The following PPP2R2B variants were observed in gnomAD, a reference collection of about 807,000 sequenced individuals.
PPP2R2B encodes protein phosphatase 2 regulatory subunit Bbeta.
Under a neutral mutation model 46.0 loss-of-function variants are expected in PPP2R2B, and 5 were observed. That is an observed-to-expected ratio of 0.11 (90% CI 0.06 to 0.23). The LOEUF is 0.23. Among genes scored for constraint, PPP2R2B ranks in the 10% least tolerant of loss-of-function variants. The pLI is 1.00. For missense variants in PPP2R2B, 367 were observed against 575.0 expected, an observed-to-expected ratio of 0.64 and a Z score of 3.70; for synonymous variants, 215 against 206.7, an observed-to-expected ratio of 1.04 and a Z score of -0.34.
chr5:147,009,108 G>A (rs1404465960), intron 1 of PPP2R2B, among the ~76,000 whole-genome samples: 1 of 152,076 alleles, frequency 6.6e-6, no homozygotes, highest in Non-Finnish European at 1.5e-5. Context: ...TTACCTGCTG[G>A]AGAAATTGTT....
In PPP2R2B at chr5:147,029,593, A is replaced by G. The variant is rs189098439; in HGVS notation, c.79+26072T>C. On this transcript the variant is annotated intron_variant, in intron 1 of 8. Coordinates refer to the PPP2R2B transcript ENST00000336640. The stretch of plus-strand genomic sequence containing the variant: ...GAACTGTGCCCCCCTGCAAATTTAT[A>G]TATTAAAACCCTAACCTCCCAATGT... 6.0e-4 allele frequency among the ~76,000 whole-genome samples: 91 copies of G among 152,298 alleles called. 1 individual carries two copies. The East Asian group carries it at 0.017, about 29-fold the overall frequency.
intron 1 of PPP2R2B, among the ~76,000 whole-genome samples, chr5:146,987,456 AC>A: frequency 6.6e-6 from 1 of 152,258 alleles, no homozygotes; most frequent in South Asian, 2.1e-4. Flanking sequence ...AAAGATGTAA[AC>A]TGAAATATCC....
chr5:146,639,217 A>T (rs371156441), intron 6 of PPP2R2B, among the ~76,000 whole-genome samples: 23 of 152,316 alleles, frequency 1.5e-4, no homozygotes, highest in African/African-American at 5.3e-4. Flanking sequence ...AGTCTCTGTA[A>T]GTTGTGATCT....
chr5:146,772,329 A>T (rs1754906817), intron 2 of PPP2R2B, among the ~76,000 whole-genome samples: 1 of 150,142 alleles, frequency 6.7e-6, no homozygotes, highest in African/African-American at 2.5e-5. Flanking sequence ...ACTTATGAGC[A>T]CGTAGAATGT....
intron 5 of PPP2R2B, among the ~76,000 whole-genome samples, chr5:146,672,731 C>A (rs2151123662): frequency 6.6e-6 from 1 of 152,282 alleles, no homozygotes; most frequent in East Asian, 1.9e-4. Flanking sequence ...TGCAGCTGTT[C>A]TATTTGAGTA....
upstream of PPP2R2B, among the ~76,000 whole-genome samples, chr5:147,058,674 A>C (rs77255134): frequency 6.6e-6 from 1 of 152,134 alleles, no homozygotes; most frequent in Non-Finnish European, 1.5e-5. Context: ...CTATCTACCC[A>C]CATGCAGAAT....
At chr5:147,070,970 C>T (rs1561612529) in intron 2 of PPP2R2B, among the ~76,000 whole-genome samples, 1 of 151,770 alleles carries the variant, frequency 6.6e-6, no homozygotes, top group Non-Finnish European at 1.5e-5. Flanking sequence ...AGCCTGGCGA[C>T]AGAGCGAGAC....
chr5:146,765,557 G>T (rs150292515), intron 2 of PPP2R2B, among the ~76,000 whole-genome samples: 14 of 152,258 alleles, frequency 9.2e-5, no homozygotes, highest in African/African-American at 3.1e-4. Flanking sequence ...CATCTAAATT[G>T]CCACTCTAAA....
chr5:146,927,449 T>C (rs979607484), intron 1 of PPP2R2B, among the ~76,000 whole-genome samples: 1 of 152,192 alleles, frequency 6.6e-6, no homozygotes, highest in African/African-American at 2.4e-5. Flanking sequence ...GTACTATTGA[T>C]ATAAACCACG....
intron 4 of PPP2R2B, among the ~76,000 whole-genome samples, chr5:146,695,302 A>C (rs1779113037): frequency 6.6e-6 from 1 of 152,002 alleles, no homozygotes. Flanking sequence ...TTTTTCCATG[A>C]ACATGTACTA....
chr5:147,014,884 A>AT (rs557505930), intron 1 of PPP2R2B, among the ~76,000 whole-genome samples: 31 of 152,258 alleles, frequency 2.0e-4, no homozygotes, highest in Admixed American at 4.6e-4. Flanking sequence ...TAAAAGTATA[A>AT]TAAAAAATAA....
intron 7 of PPP2R2B, among the ~76,000 whole-genome samples, chr5:146,635,619 A>G (rs1490949007): frequency 6.6e-6 from 1 of 152,196 alleles, no homozygotes; most frequent in Non-Finnish European, 1.5e-5. Flanking sequence ...TGGCCCAGAA[A>G]GCCCGGTTCT....
chr5:146,810,896 C>T (rs541895847), intron 2 of PPP2R2B, among the ~76,000 whole-genome samples: 201 of 139,368 alleles, frequency 1.4e-3, no homozygotes, highest in African/African-American at 5.1e-3. Context: ...ACAACAGGCC[C>T]CAGTGTGTGA....
chr5:146,773,734 A>C (rs1755009330), intron 2 of PPP2R2B, among the ~76,000 whole-genome samples: 1 of 152,190 alleles, frequency 6.6e-6, no homozygotes, highest in Non-Finnish European at 1.5e-5. Context: ...GGCACAACTC[A>C]ACAGCTATTT....
chr5:146,941,884 A>C (rs1764334293), intron 1 of PPP2R2B, among the ~76,000 whole-genome samples: 1 of 152,176 alleles, frequency 6.6e-6, no homozygotes, highest in South Asian at 2.1e-4. Context: ...GTCTGAAATC[A>C]AGGTGTTGGC....
intron 2 of PPP2R2B, among the ~76,000 whole-genome samples, chr5:146,773,917 C>A (rs1327675397): frequency 6.6e-6 from 1 of 152,138 alleles, no homozygotes; most frequent in African/African-American, 2.4e-5. Flanking sequence ...CTCCCAAATA[C>A]CTCATCCTTG....
intron 5 of PPP2R2B, among the ~76,000 whole-genome samples, chr5:146,684,134 A>C (rs1247322614): frequency 3.3e-5 from 5 of 152,208 alleles, no homozygotes; most frequent in African/African-American, 1.2e-4. Flanking sequence ...CCATTGTTAT[A>C]TGCAACAAAT....
At chr5:146,869,690 T>C (rs1447331909) in intron 2 of PPP2R2B, among the ~76,000 whole-genome samples, 4 of 152,208 alleles carry the variant, frequency 2.6e-5, no homozygotes, top group Non-Finnish European at 5.9e-5. Context: ...GGGCATGGGA[T>C]GGAGGGTGAT....
intron 1 of PPP2R2B, among the ~76,000 whole-genome samples, chr5:147,032,544 G>C (rs1755839062): frequency 6.6e-6 from 1 of 151,858 alleles, no homozygotes; most frequent in South Asian, 2.1e-4. Context: ...AAAGTCCACT[G>C]TATCATTCTT....
Sources: allele counts gnomAD v4.1 joint callset (sites outside exome capture counted in the v4.1 genomes callset), GRCh38; gene constraint gnomAD v4.1.1; transcripts MANE v1.5; gene names NCBI Gene and HGNC (gene_info 2026-07-23, HGNC 2026-07-21).